PHACTR1: variants seen among roughly 807,000 people sequenced by gnomAD.
PHACTR1 encodes the protein RPEL repeat containing 1.
PHACTR1 carries 16 observed loss-of-function variants against 69.2 expected under a neutral mutation model. The ratio of observed to expected loss-of-function variants is 0.23; its 90% CI spans 0.16 to 0.35. The LOEUF is 0.35. Among genes scored for constraint, PHACTR1 ranks in the 10% least tolerant of loss-of-function variants. The pLI is 1.00. For synonymous variants in PHACTR1, 312 were observed against 284.5 expected, an observed-to-expected ratio of 1.10 and a Z score of -0.97; for missense variants, 510 against 734.7, an observed-to-expected ratio of 0.69 and a Z score of 3.54.
At chr6:13,044,912 G>A (rs1291581202) in intron 4 of PHACTR1, among the ~76,000 whole-genome samples, 1 of 151,314 alleles carries the variant, frequency 6.6e-6, no homozygotes, top group Non-Finnish European at 1.5e-5. Flanking sequence ...ATTCGCCAGG[G>A]CACCTACAGA....
chr6:12,759,489 G>T (rs1767786158), intron 4 of PHACTR1, among the ~76,000 whole-genome samples: 1 of 152,058 alleles, frequency 6.6e-6, no homozygotes, highest in South Asian at 2.1e-4. Context: ...TGAGAGTGTG[G>T]TAAATTTATT....
At chr6:12,826,738 G>A (rs1489780267) in intron 4 of PHACTR1, among the ~76,000 whole-genome samples, 1 of 152,136 alleles carries the variant, frequency 6.6e-6, no homozygotes, top group African/African-American at 2.4e-5. Flanking sequence ...AATTCACAAT[G>A]TCCATAAATC....
At chr6:13,019,156 AC>A (rs1389480507) in intron 4 of PHACTR1, among the ~76,000 whole-genome samples, 1 of 151,426 alleles carries the variant, frequency 6.6e-6, no homozygotes, top group Non-Finnish European at 1.5e-5. Context: ...CAAGCAGTCC[AC>A]CCACCTCAGC....
At chr6:13,105,360 G>T (rs188245241) in intron 5 of PHACTR1, among the ~76,000 whole-genome samples, 12 of 152,198 alleles carry the variant, frequency 7.9e-5, no homozygotes, top group Non-Finnish European at 1.2e-4. Context: ...CCCTGGGTGA[G>T]AGAGTGAGAC....
intron 4 of PHACTR1, among the ~76,000 whole-genome samples, chr6:12,847,412 T>C (rs1391044591): frequency 6.6e-6 from 1 of 152,156 alleles, no homozygotes; most frequent in Non-Finnish European, 1.5e-5. Context: ...ACTCTAAAGG[T>C]CTTTGAGTAG....
At chr6:12,723,488 C>CT (rs1180252640) in intron 3 of PHACTR1, among the ~76,000 whole-genome samples, 5,654 of 128,098 alleles carry the variant, frequency 0.044, 235 homozygotes, top group African/African-American at 0.11. Context: ...TTGGCCTTTT[C>CT]TTTTTTTTTT....
chr6:12,838,744 G>A (rs145422163), intron 4 of PHACTR1, among the ~76,000 whole-genome samples: 2 of 152,088 alleles, frequency 1.3e-5, no homozygotes, highest in African/African-American at 4.8e-5. Context: ...CCTCAAAATG[G>A]TTGTGAATTT....
intron 11 of PHACTR1, chr6:13,273,181 G>GA: frequency 2.3e-6 from 1 of 444,000 alleles, no homozygotes; most frequent in Non-Finnish European, 4.0e-6. Flanking sequence ...GAGAGAAGCT[G>GA]AAAAATTAGA....
intron 7 of PHACTR1, chr6:13,196,420 C>CTTTTTTTTTTGTTTTTTTTTTTTT (rs555707385): frequency 7.4e-6 from 1 of 135,816 alleles, no homozygotes; most frequent in Non-Finnish European, 1.5e-5. Context: ...GGTTTTCTTT[C>CTTTTTTTTTTGTTTTTTTTTTTTT]TTTTTTTTTT....
At chr6:12,771,876 G>A (rs1769433638) in intron 4 of PHACTR1, among the ~76,000 whole-genome samples, 1 of 152,164 alleles carries the variant, frequency 6.6e-6, no homozygotes, top group Admixed American at 6.5e-5. Flanking sequence ...ACTGGGGGAA[G>A]GGGTGTTCTG....
At chr6:12,979,912 A>G (rs1795311410) in intron 4 of PHACTR1, among the ~76,000 whole-genome samples, 1 of 152,202 alleles carries the variant, frequency 6.6e-6, no homozygotes, top group African/African-American at 2.4e-5. Context: ...TGATTTAAGA[A>G]GACCTGCTTT....
At chr6:13,003,961 A>G (rs1424046216) in intron 4 of PHACTR1, among the ~76,000 whole-genome samples, 3 of 108,320 alleles carry the variant, frequency 2.8e-5, no homozygotes, top group Admixed American at 8.1e-5. Context: ...CTATATATAT[A>G]TATGTATATA....
At chr6:13,003,026 A>T (rs933472012) in intron 4 of PHACTR1, among the ~76,000 whole-genome samples, 1 of 152,188 alleles carries the variant, frequency 6.6e-6, no homozygotes, top group Non-Finnish European at 1.5e-5. Context: ...TGCCTTTAAG[A>T]AATGGACAGA....
At chr6:12,734,516 T>A (rs926403692) in intron 3 of PHACTR1, among the ~76,000 whole-genome samples, 2 of 152,196 alleles carry the variant, frequency 1.3e-5, no homozygotes. Flanking sequence ...AACTATTAAG[T>A]ATGTCATTTG....
Position 13,246,317 on chromosome 6 carries a change from G to T in PHACTR1, c.1391+16124G>T, listed in dbSNP as rs1773576372. 6.6e-6 allele frequency among the ~76,000 whole-genome samples: 1 copy of T among 152,012 alleles called. No homozygotes were observed. The highest frequency in any genetic ancestry group is 2.4e-5 in the African/African-American group (1 of 41,426). On this transcript the variant is annotated intron_variant, in intron 10 of 14. Coordinates refer to ENST00000332995, the MANE Select transcript of PHACTR1 (RefSeq NM_030948.6). The surrounding 1 kb of genome is among the most constrained non-coding windows in gnomAD (Gnocchi z 4.2). ...AAAGGAATCCTTGAATTCTCCCACAGATACATTCTTTCACGGCCACCATGA... is the reference window on the plus strand; with the variant it reads ...AAAGGAATCCTTGAATTCTCCCACATATACATTCTTTCACGGCCACCATGA...
chr6:12,909,386 C>T (rs1024796300), intron 4 of PHACTR1, among the ~76,000 whole-genome samples: 2 of 152,202 alleles, frequency 1.3e-5, no homozygotes, highest in African/African-American at 2.4e-5. Flanking sequence ...CTATTAGGAA[C>T]TATTGTCATA....
chr6:12,881,154 A>C lies in PHACTR1; in HGVS notation c.250+131364A>C, dbSNP rs116238837. Among the ~76,000 whole-genome samples the C allele has an allele frequency of 8.2e-3, 1,256 of 152,340 alleles. 18 individuals are homozygous for C. Among genetic ancestry groups the C allele is most frequent in the African/African-American group, 0.029 (1,189 of 41,576 alleles). On this transcript the variant is annotated intron_variant, in intron 4 of 14. Transcript: ENST00000332995. The stretch of plus-strand genomic sequence containing the variant: ...GACTAAGAGCTGAATTGTGTAGGGA[A>C]GAACTTGACAACAGGGAGCTGCGTG...
chr6:13,227,362 G>T, intron 8 of PHACTR1, among the ~76,000 whole-genome samples: 1 of 152,092 alleles, frequency 6.6e-6, no homozygotes, highest in East Asian at 1.9e-4. Flanking sequence ...TTTCTCTCCT[G>T]AATCTGTAGC....
chr6:12,989,912 G>A (rs1796621503), intron 4 of PHACTR1, among the ~76,000 whole-genome samples: 1 of 152,144 alleles, frequency 6.6e-6, no homozygotes, highest in African/African-American at 2.4e-5. Flanking sequence ...GCTTAACTAG[G>A]AGCCCATACG....
Sources: gnomAD v4.1 joint callset for allele counts (sites outside exome capture counted in the v4.1 genomes callset) on GRCh38, gnomAD v4.1.1 for gene constraint, Gnocchi (gnomAD v3.1) non-coding constraint, MANE v1.5 for transcripts, NCBI Gene and HGNC (gene_info 2026-07-23, HGNC 2026-07-21) for gene names.